The following AGBL4 variants were observed in gnomAD, a reference collection of about 807,000 sequenced individuals.
AGBL4 encodes AGBL carboxypeptidase 4.
Under a neutral mutation model 66.4 loss-of-function variants are expected in AGBL4, and 58 were observed. The observed-to-expected ratio is 0.87, with a 90% CI of 0.71 to 1.09. The LOEUF is 1.09. Among genes scored for constraint, AGBL4 ranks in the 50% least tolerant of loss-of-function variants. The pLI is 0.00. For synonymous variants in AGBL4, 234 were observed against 222.9 expected, an observed-to-expected ratio of 1.05 and a Z score of -0.44; for missense variants, 579 against 631.0, an observed-to-expected ratio of 0.92 and a Z score of 0.88.
At chr1:49,948,561 A>T (rs1240871298) in intron 1 of AGBL4, among the ~76,000 whole-genome samples, 1 of 105,746 alleles carries the variant, frequency 9.5e-6, no homozygotes, top group Non-Finnish European at 1.9e-5. Flanking sequence ...ATAAATATAT[A>T]AAAATATATA....
intron 5 of AGBL4, among the ~76,000 whole-genome samples, chr1:48,913,702 C>A (rs1653347224): frequency 6.6e-6 from 1 of 152,178 alleles, no homozygotes. Flanking sequence ...ATACTTATTT[C>A]ATTACATGTT....
intron 3 of AGBL4, among the ~76,000 whole-genome samples, chr1:49,258,406 G>GA (rs1029630829): frequency 1.3e-5 from 2 of 152,164 alleles, no homozygotes; most frequent in East Asian, 1.9e-4. Flanking sequence ...TGAAAAATTT[G>GA]AAAAAAATTT....
chr1:48,791,947 C>A (rs1057004005), intron 6 of AGBL4, among the ~76,000 whole-genome samples: 1 of 152,172 alleles, frequency 6.6e-6, no homozygotes, highest in Non-Finnish European at 1.5e-5. Flanking sequence ...CCTTACCCTG[C>A]AGGAAATAAT....
chr1:49,941,277 T>A (rs547089296), intron 1 of AGBL4, among the ~76,000 whole-genome samples: 67 of 152,286 alleles, frequency 4.4e-4, no homozygotes, highest in Admixed American at 9.8e-4. Flanking sequence ...TGCTAATCCT[T>A]CTCAGTCTTC....
chr1:49,891,405 T>C (rs531744923), intron 1 of AGBL4, among the ~76,000 whole-genome samples: 3 of 152,194 alleles, frequency 2.0e-5, no homozygotes, highest in Non-Finnish European at 2.9e-5. Context: ...TGTTTAACAA[T>C]GACTACAGAC....
chr1:48,821,526 A>G (rs566303254), intron 6 of AGBL4, among the ~76,000 whole-genome samples: 1 of 152,292 alleles, frequency 6.6e-6, no homozygotes, highest in Admixed American at 6.5e-5. Flanking sequence ...TTCACTTACA[A>G]ATGGGAGCTA....
intron 5 of AGBL4, among the ~76,000 whole-genome samples, chr1:48,988,269 C>A (rs1219806308): frequency 6.6e-6 from 1 of 152,128 alleles, no homozygotes; most frequent in Non-Finnish European, 1.5e-5. Context: ...TGTAATGTAA[C>A]AAAATTGTGC....
chr1:48,609,239 G>C (rs1287081213), intron 9 of AGBL4, among the ~76,000 whole-genome samples: 2 of 152,114 alleles, frequency 1.3e-5, no homozygotes, highest in Non-Finnish European at 2.9e-5. Context: ...GCACAAATCT[G>C]AGCATGCCAC....
intron 1 of AGBL4, among the ~76,000 whole-genome samples, chr1:49,968,708 C>G (rs1657784870): frequency 6.6e-6 from 1 of 152,136 alleles, no homozygotes; most frequent in African/African-American, 2.4e-5. Flanking sequence ...AGAGAAAGAG[C>G]AAGCATTCTA....
intron 5 of AGBL4, among the ~76,000 whole-genome samples, chr1:48,991,770 G>A (rs1424785976): frequency 6.6e-6 from 1 of 151,818 alleles, no homozygotes; most frequent in Non-Finnish European, 1.5e-5. Flanking sequence ...GCTATTATGA[G>A]ACTCTGATGC....
At chr1:48,841,420 A>G (rs1646799774) in intron 6 of AGBL4, among the ~76,000 whole-genome samples, 1 of 131,324 alleles carries the variant, frequency 7.6e-6, no homozygotes, top group Non-Finnish European at 1.6e-5. Flanking sequence ...CCCAAAAAAA[A>G]AGAAGAGAGA....
intron 3 of AGBL4, among the ~76,000 whole-genome samples, chr1:49,326,999 C>A (rs1219413814): frequency 1.3e-5 from 2 of 152,086 alleles, no homozygotes; most frequent in African/African-American, 4.8e-5. Context: ...CTTGTGGCTC[C>A]TTCTATCTTT....
chr1:49,412,159 A>G (rs1645329416), intron 3 of AGBL4, among the ~76,000 whole-genome samples: 1 of 152,182 alleles, frequency 6.6e-6, no homozygotes, highest in Non-Finnish European at 1.5e-5. Flanking sequence ...GGCTTCTATA[A>G]CAAAGTACCA....
rs186066495 is a variant in AGBL4 at position 49,278,661 on chromosome 1, T to C, written c.283-32797A>G. On this transcript the variant is annotated intron_variant, in intron 3 of 13. Coordinates refer to ENST00000371839, the MANE Select transcript of AGBL4 (RefSeq NM_032785.4). Reference sequence around the variant, plus strand: ...GGTTCAGTCTCAGTCTCAGTCAGTATCCAGGCTATAACCAGGCCCATATTG... The same window carrying C: ...GGTTCAGTCTCAGTCTCAGTCAGTACCCAGGCTATAACCAGGCCCATATTG... Among the ~76,000 whole-genome samples the C allele has an allele frequency of 3.3e-5, 5 of 152,234 alleles. No individual in the cohort carries two copies. The East Asian group carries it at 9.7e-4, about 29-fold the overall frequency.
chr1:49,153,467 G>A (rs554688627), intron 4 of AGBL4, among the ~76,000 whole-genome samples: 1 of 152,144 alleles, frequency 6.6e-6, no homozygotes, highest in East Asian at 1.9e-4. Flanking sequence ...GCAAATAAAA[G>A]TCATTCCAAT....
At chr1:49,509,238 C>A (rs1648974066) in intron 3 of AGBL4, among the ~76,000 whole-genome samples, 1 of 151,716 alleles carries the variant, frequency 6.6e-6, no homozygotes, top group South Asian at 2.1e-4. Context: ...AGAGGAAACA[C>A]ACACAAAGGC....
chr1:48,587,381 A>T (rs528456154), intron 10 of AGBL4, among the ~76,000 whole-genome samples: 1 of 152,216 alleles, frequency 6.6e-6, no homozygotes, highest in Admixed American at 6.5e-5. Flanking sequence ...CACTCAACGA[A>T]TATTTGTGGA....
At chr1:49,590,818 G>T (rs1644738004) in intron 3 of AGBL4, among the ~76,000 whole-genome samples, 1 of 151,878 alleles carries the variant, frequency 6.6e-6, no homozygotes, top group Non-Finnish European at 1.5e-5. Context: ...GAGTATTCAT[G>T]AATAAAATAT....
intron 6 of AGBL4, among the ~76,000 whole-genome samples, chr1:48,835,772 G>A (rs1182108637): frequency 1.3e-5 from 2 of 152,258 alleles, no homozygotes; most frequent in African/African-American, 4.8e-5. Flanking sequence ...CTGCTTTTAA[G>A]TTCTTCCAAT....
Sources: allele counts gnomAD v4.1 joint callset (sites outside exome capture counted in the v4.1 genomes callset), GRCh38; gene constraint gnomAD v4.1.1; transcripts MANE v1.5; gene names NCBI Gene and HGNC (gene_info 2026-07-23, HGNC 2026-07-21).